The following LMTK3 variants were observed in gnomAD, a reference collection of about 807,000 sequenced individuals.
The protein encoded by LMTK3 is lemur tail kinase 3, also known as serine/threonine-protein kinase LMTK3.
A neutral mutation model predicts 116.7 loss-of-function variants in LMTK3; 27 were observed. The observed-to-expected ratio is 0.23, with a 90% confidence interval of 0.17 to 0.32. The LOEUF (loss-of-function observed/expected upper bound fraction) is 0.32, where lower values mean the gene tolerates loss of function less well. Among genes scored for constraint, LMTK3 ranks in the 10% least tolerant of loss-of-function variants. The probability of loss-of-function intolerance (pLI) is 1.00; values close to 1 mark genes in which losing one functional copy is unlikely to be tolerated. For synonymous variants in LMTK3, 965 were observed against 971.0 expected (o/e 0.99, Z 0.11); for missense variants, 1,764 against 2,068.5 (o/e 0.85, Z 2.86).
rs2147535504 is a variant in LMTK3, at chr19:48,494,086, C to G, written c.3700G>C (p.Ala1234Pro). 8.4e-7 allele frequency: 1 copy of G among 1,197,332 alleles called. No homozygotes were observed. Among genetic ancestry groups the G allele is most frequent in the East Asian group, 3.5e-5 (1 of 28,968 alleles). 74.2% of individuals were successfully genotyped at this position (1,197,332 alleles called of 1,614,324 possible). ...IKARLSRLSL[A>P]LPPLTLTPFP... ...GGCGTGAGCGTGAGCGGCGGCAGCG[C>G]CAGCGAGAGCCGGGAGAGCCTGGCT... The change falls in exon 12 of 15, where the codon GCG (alanine) becomes CCG (proline). Residue 1234 changes from alanine to proline, a missense_variant. By Grantham distance (27) the Ala-to-Pro change is conservative (BLOSUM62 -1). Coordinates refer to ENST00000600059, the MANE Select transcript of LMTK3 (RefSeq NM_001388485.1). This position sits in a 1 kb window ranked among gnomAD's most constrained non-coding sequence, Gnocchi z 4.0.
Position 48,498,272 on chromosome 19 carries a change from C to CT in LMTK3, c.2796_2797insA (p.Asp933ArgfsTer607). ...TCCTCGATGCCTGGGGCTCTCTGGT[C>CT]CCCGTTCTCCAGCACTGTCACCCCG... On this transcript the variant is annotated frameshift_variant, in exon 11 of 15. Coordinates refer to ENST00000600059, the MANE Select transcript of LMTK3 (RefSeq NM_001388485.1). LOFTEE classifies it high-confidence loss of function. 1 of 1,613,426 alleles carries CT rather than the reference C, an allele frequency of 6.2e-7. No homozygotes were observed. Among genetic ancestry groups the CT allele is most frequent in the Non-Finnish European group, 8.5e-7 (1 of 1,179,774 alleles).
chr19:48,507,169 AAGGAAGCC>A (rs1972584213), intron 5 of LMTK3, among the ~76,000 whole-genome samples: 1 of 152,196 alleles, frequency 6.6e-6, no homozygotes, highest in Non-Finnish European at 1.5e-5. Context: ...GCTGGTGTAG[AAGGAAGCC>A]AGGATTCACT....
Position 48,498,880 on chromosome 19 carries a change from G to C in LMTK3, c.2189C>G (p.Pro730Arg). 8.3e-7 allele frequency: 1 copy of C among 1,210,520 alleles called. No homozygotes were observed. Among genetic ancestry groups the C allele is most frequent in the Non-Finnish European group, 1.1e-6 (1 of 951,748 alleles). 75.0% of individuals were successfully genotyped at this position (1,210,520 alleles called of 1,614,324 possible). The change falls in exon 11 of 15, where the codon CCC becomes CGC. Residue 730 changes from proline to arginine, a missense_variant. This residue lies in a region of LMTK3 where 1,028 missense variants were observed against 1,050.6 expected (regional missense o/e 0.98). Transcript: ENST00000600059. ...CCCCATGAGGGGGTCCAGAAACTCG[G>C]GGGGGGCCGAGGCGGGGGGGGCCAT... ...LPMAPPASAP[P>R]EFLDPLMGAA...
rs370902571 is a variant in LMTK3 at position 48,498,449 on chromosome 19, G to A, written c.2620C>T (p.Leu874Phe). ...GCTGTCGCCCCCTTCTCCCCCAGGA[G>A]GTTCCTTGTCACATCCTCCCGCAGG... ...MSLREDVTRN[L>F]LGEKGATARE... Residue 874 changes from leucine (L) to phenylalanine (F), a missense_variant, in exon 11 of 15, where the codon CTC (leucine) becomes TTC (phenylalanine). Physicochemically the swap from Leu to Phe is conservative, Grantham distance 22. This residue lies in a region of LMTK3 where 1,028 missense variants were observed against 1,050.6 expected (regional missense o/e 0.98). Coordinates refer to ENST00000600059, the MANE Select transcript of LMTK3 (RefSeq NM_001388485.1). The A allele has an allele frequency of 6.2e-7, 1 of 1,604,816 alleles. No homozygotes were observed. Among genetic ancestry groups the A allele is most frequent in the Non-Finnish European group, 8.5e-7 (1 of 1,175,776 alleles).
rs965802553 is a variant in LMTK3, at chr19:48,498,235, T to G, written c.2834A>C (p.Glu945Ala). 6.2e-7 allele frequency: 1 copy of G among 1,613,278 alleles called. No homozygotes were observed. Among genetic ancestry groups the G allele is most frequent in the Non-Finnish European group, 8.5e-7 (1 of 1,179,710 alleles). Residue 945 changes from glutamate to alanine, a missense_variant, in exon 11 of 15, where the codon GAG becomes GCG. By Grantham distance (107) the Glu-to-Ala change is moderately radical. Transcript: ENST00000600059. ...RAPGIEEKAA[E>A]NGALGSPERE... ...CTCGGGGGACCCCAGGGCCCCATTC[T>G]CCGCCGCCTTCTCCTCGATGCCTGG...
chr19:48,486,081 A>G (rs1160360257), intron 14 of LMTK3, among the ~76,000 whole-genome samples: 1 of 80,228 alleles, frequency 1.2e-5, no homozygotes, highest in African/African-American at 5.6e-5. Context: ...TTTTTTTGAG[A>G]CGGAGTCTCG....
At chr19:48,490,192 C>T (rs1046249931) in intron 14 of LMTK3, among the ~76,000 whole-genome samples, 1 of 152,164 alleles carries the variant, frequency 6.6e-6, no homozygotes, top group African/African-American at 2.4e-5. Flanking sequence ...CCCAGCTCCT[C>T]ACTTCTCTCC....
chr19:48,504,155 A>ACCGCAC (rs1372157830), intron 5 of LMTK3, among the ~76,000 whole-genome samples: 1 of 152,190 alleles, frequency 6.6e-6, no homozygotes, highest in Admixed American at 6.5e-5. Flanking sequence ...GGCGTGAACC[A>ACCGCAC]CCGCACCCTG....
chr19:48,485,695 C>T lies in LMTK3; in HGVS notation c.*78G>A. 6.7e-7 allele frequency: 1 copy of T among 1,499,230 alleles called. No individual in the cohort carries two copies. The highest frequency in any genetic ancestry group is 9.1e-7 in the Non-Finnish European group (1 of 1,093,142). 92.9% of individuals were successfully genotyped at this position (1,499,230 alleles called of 1,614,324 possible). Reference sequence around the variant, plus strand: ...CCAGAGGCGGCGTCTGCGGTGGTGGCAGTGGCGCCGTCATCCACAGAGGAT... The same window carrying T: ...CCAGAGGCGGCGTCTGCGGTGGTGGTAGTGGCGCCGTCATCCACAGAGGAT... On this transcript the variant is annotated 3_prime_UTR_variant, in exon 15 of 15. Transcript: ENST00000600059.
Position 48,498,841 on chromosome 19 carries a change from T to C in LMTK3, c.2228A>G (p.Gln743Arg). The change falls in exon 11 of 15, where the codon CAG becomes CGG. Residue 743 changes from glutamine (Q) to arginine (R), a missense_variant. Transcript: ENST00000600059. ...GGGAGGTGGCCCCCGCCCGGGGTAC[T>C]GGGGCGCCGCCGCCCCCATGAGGGG... is the stretch of plus-strand genomic sequence containing the variant. ...LDPLMGAAAP[Q>R]YPGRGPPPAP... The C allele has an allele frequency of 1.0e-6, 1 of 965,822 alleles. No individual in the cohort carries two copies. Among genetic ancestry groups the C allele is most frequent in the Non-Finnish European group, 1.2e-6 (1 of 800,020 alleles). 59.8% of individuals were successfully genotyped at this position (965,822 alleles called of 1,614,324 possible). A position where few individuals can be genotyped will look rare whatever the true frequency, so the allele number is the denominator to read the frequency against.
Position 48,500,531 on chromosome 19 carries a change from T to TG in LMTK3, c.1151+464dup, listed in dbSNP as rs1972444942. Among the ~76,000 whole-genome samples the TG allele has an allele frequency of 6.7e-6, 1 of 149,652 alleles. No homozygotes were observed. The highest frequency in any genetic ancestry group is 1.5e-5 in the Non-Finnish European group (1 of 67,478). On this transcript the variant is annotated intron_variant, in intron 10 of 14. Coordinates refer to ENST00000600059, the MANE Select transcript of LMTK3 (RefSeq NM_001388485.1). The surrounding 1 kb of genome is among the most constrained non-coding windows in gnomAD (Gnocchi z 4.0). Reference sequence around the variant, plus strand: ...GAGAGGGAAACATAGACCCAAAAAGTGGGGCAGAGATCCAGGGAGAAGAGG... The same window carrying TG: ...GAGAGGGAAACATAGACCCAAAAAGTGGGGGCAGAGATCCAGGGAGAAGAGG...
Position 48,486,074 on chromosome 19 carries a change from TTTTG to T in LMTK3, c.4367-289_4367-286del, listed in dbSNP as rs1165668697. Among the ~76,000 whole-genome samples the T allele has an allele frequency of 3.0e-4, 40 of 134,060 alleles. 1 individual carries two copies. Among genetic ancestry groups the T allele is most frequent in the African/African-American group, 1.2e-3 (38 of 32,934 alleles). 87.9% of individuals were successfully genotyped at this position (134,060 alleles called of 152,430 possible). A position where few individuals can be genotyped will look rare whatever the true frequency, so the allele number is the denominator to read the frequency against. Reference sequence around the variant, plus strand: ...TTTTTTTTTTTTTTTTTTTTTTTTTTTTTGAGACGGAGTCTCGCTCTGTCGCCCA... The same window carrying T: ...TTTTTTTTTTTTTTTTTTTTTTTTTTAGACGGAGTCTCGCTCTGTCGCCCA... On this transcript the variant is annotated intron_variant, in intron 14 of 14. Transcript: ENST00000600059.
At position 48,491,563 on chromosome 19, in the gene LMTK3, G is replaced by A; in HGVS notation, c.4093-24C>T. ...TCCTGTGAAGGCAGATTAGGGGGAA[G>A]CCAGAGGGGACAAACCTTCACGTCC... On this transcript the variant is annotated intron_variant, in intron 12 of 14. Coordinates refer to ENST00000600059, the MANE Select transcript of LMTK3 (RefSeq NM_001388485.1). The surrounding 1 kb of genome is among the most constrained non-coding windows in gnomAD (Gnocchi z 5.1). 7.5e-7 allele frequency: 1 copy of A among 1,341,502 alleles called. No individual in the cohort carries two copies. Among genetic ancestry groups the A allele is most frequent in the South Asian group, 2.2e-5 (1 of 44,514 alleles). 83.1% of individuals were successfully genotyped at this position (1,341,502 alleles called of 1,614,324 possible). A position where few individuals can be genotyped will look rare whatever the true frequency, so the allele number is the denominator to read the frequency against.
chr19:48,509,282 CG>C (rs1972619090), intron 4 of LMTK3, among the ~76,000 whole-genome samples, 154 bp downstream of exon 4: 1 of 138,596 alleles, frequency 7.2e-6, no homozygotes, highest in East Asian at 2.0e-4. Context: ...GGGTGGGAGC[CG>C]GTGAGAGGTG....
At position 48,498,584 on chromosome 19, in the gene LMTK3, C is replaced by T. The variant is rs1364428104; in HGVS notation, c.2485G>A (p.Asp829Asn). ...GGAGGTGGCCGGGGCGCTCCTGGGT[C>T]GGGTGGCTCGGGGGGAGCCCGCGGC... Reference protein sequence around the residue: ...PRPRAPPEPPDPGAPRPPPDP... With the variant: ...PRPRAPPEPPNPGAPRPPPDP... The change falls in exon 11 of 15, where the codon GAC becomes AAC. Residue 829 changes from aspartate (D) to asparagine (N), a missense_variant. By Grantham distance (23) the Asp-to-Asn change is conservative. Transcript: ENST00000600059. 1.3e-6 allele frequency: 2 copies of T among 1,552,086 alleles called. No homozygotes were observed. The highest frequency in any genetic ancestry group is 1.7e-6 in the Non-Finnish European group (2 of 1,148,024).
Position 48,499,291 on chromosome 19 carries a change from C to G in LMTK3, c.1778G>C (p.Arg593Pro). The G allele has an allele frequency of 7.1e-7, 1 of 1,408,902 alleles. No homozygotes were observed. Among genetic ancestry groups the G allele is most frequent in the South Asian group, 1.6e-5 (1 of 62,434 alleles). The allele number at this position is 1,408,902 out of a possible 1,614,324, so 87.3% of individuals were successfully genotyped here. Reference protein sequence around the residue: ...TWASPLFPAPRPFPAQSSASG... With the variant: ...TWASPLFPAPPPFPAQSSASG... Reference sequence around the variant, plus strand: ...CGCTGAGGACTGGGCTGGGAAGGGCCGGGGCGCAGGGAAGAGGGGGGAGGC... The same window carrying G: ...CGCTGAGGACTGGGCTGGGAAGGGCGGGGGCGCAGGGAAGAGGGGGGAGGC... Residue 593 changes from arginine (R) to proline (P), a missense_variant, in exon 11 of 15, where the codon CGG becomes CCG. Transcript: ENST00000600059.
At chr19:48,489,849 C>T (rs550870616) in intron 14 of LMTK3, among the ~76,000 whole-genome samples, 1 of 152,178 alleles carries the variant, frequency 6.6e-6, no homozygotes, top group Non-Finnish European at 1.5e-5. Flanking sequence ...GTGGCGTCTT[C>T]TACCTTAGCT....
chr19:48,486,409 CCA>C (rs1167044430), intron 14 of LMTK3, among the ~76,000 whole-genome samples: 1 of 152,062 alleles, frequency 6.6e-6, no homozygotes, highest in African/African-American at 2.4e-5. Context: ...AACGTCCCCT[CCA>C]CAGAGTCCTT....
Position 48,498,616 on chromosome 19 carries a change from A to T in LMTK3, c.2453T>A (p.Val818Asp). 6.5e-7 allele frequency: 1 copy of T among 1,531,420 alleles called. No homozygotes were observed. Among genetic ancestry groups the T allele is most frequent in the Non-Finnish European group, 8.8e-7 (1 of 1,139,288 alleles). The allele number at this position is 1,531,420 out of a possible 1,614,324, so 94.9% of individuals were successfully genotyped here. The change falls in exon 11 of 15, where the codon GTC becomes GAC. Residue 818 changes from valine (V) to aspartate (D), a missense_variant. Val to Asp is a radical substitution (Grantham distance 152). Coordinates refer to ENST00000600059, the MANE Select transcript of LMTK3 (RefSeq NM_001388485.1). Reference protein sequence around the residue: ...PGGGAAEEEGVPRPRAPPEPP... With the variant: ...PGGGAAEEEGDPRPRAPPEPP... ...CTCGGGGGGAGCCCGCGGCCGAGGGACCCCTTCCTCCTCGGCCGCCCCCCC... is the reference window on the plus strand; with the variant it reads ...CTCGGGGGGAGCCCGCGGCCGAGGGTCCCCTTCCTCCTCGGCCGCCCCCCC...
Sources: allele counts gnomAD v4.1 joint callset (sites outside exome capture counted in the v4.1 genomes callset), GRCh38; gene constraint gnomAD v4.1.1; regional missense constraint gnomAD v4.1.1; non-coding constraint Gnocchi (gnomAD v3.1); transcripts MANE v1.5; gene names NCBI Gene and HGNC (gene_info 2026-07-23, HGNC 2026-07-21).